Variants in KSR1 observed in about 807,000 individuals in gnomAD.
The protein encoded by KSR1 is kinase suppressor of ras 1.
Under a neutral mutation model 92.9 loss-of-function variants are expected in KSR1, and 35 were observed. The observed-to-expected ratio is 0.38, with a 90% CI of 0.29 to 0.50. The LOEUF is 0.50. Ranked by LOEUF, KSR1 falls within the 20% of genes least tolerant of loss-of-function variation. The pLI, the probability that KSR1 is intolerant of heterozygous loss-of-function variation, is 0.94. For synonymous variants in KSR1, 467 were observed against 472.6 expected (o/e 0.99, Z 0.15); for missense variants, 972 against 1,158.5 (o/e 0.84, Z 2.34).
At chr17:27,568,029 C>T (rs2072155122) in intron 2 of KSR1, among the ~76,000 whole-genome samples, 1 of 152,224 alleles carries the variant, frequency 6.6e-6, no homozygotes, top group South Asian at 2.1e-4. Context: ...CCAGCTTCTC[C>T]TCGGCCATCT....
rs59170484 is a variant in KSR1 at position 27,526,094 on chromosome 17, TTC to T, written c.232-24451_232-24450del. Among the ~76,000 whole-genome samples the T allele has an allele frequency of 3.6e-4, 43 of 118,454 alleles. 2 individuals are homozygous for T. The highest frequency in any genetic ancestry group is 1.0e-3 in the African/African-American group (28 of 27,952). The allele number at this position is 118,454 out of a possible 152,430, so 77.7% of individuals were successfully genotyped here. On this transcript the variant is annotated intron_variant, in intron 1 of 20. Coordinates refer to ENST00000644974, the MANE Select transcript of KSR1 (RefSeq NM_001394583.1). ...TCTCTTTCTTTCTTTCTTTCTTTCT[TTC>T]TCTCTCTCTCTCTCTCTCTCTCATG...
At chr17:27,533,796 G>A (rs745356821) in intron 1 of KSR1, among the ~76,000 whole-genome samples, 10 of 152,190 alleles carry the variant, frequency 6.6e-5, no homozygotes, top group Non-Finnish European at 2.9e-5. Flanking sequence ...AGTGTCTAGC[G>A]CATAATAGTC....
chr17:27,523,914 G>A (rs2070142689), intron 1 of KSR1, among the ~76,000 whole-genome samples: 1 of 152,174 alleles, frequency 6.6e-6, no homozygotes, highest in African/African-American at 2.4e-5. Flanking sequence ...AGCTACACCT[G>A]CCTGCAAGGA....
chr17:27,504,115 A>G (rs1227098701), intron 1 of KSR1, among the ~76,000 whole-genome samples: 1 of 152,228 alleles, frequency 6.6e-6, no homozygotes, highest in Non-Finnish European at 1.5e-5. Context: ...GGAAGTATAG[A>G]GACCCTGGCA....
At chr17:27,456,938 A>T (rs994888685) in intron 1 of KSR1, 64 bp downstream of exon 1, 2 of 738,786 alleles carry the variant, frequency 2.7e-6, no homozygotes, top group African/African-American at 3.5e-5. Context: ...TCCGGGCCCC[A>T]GTACTCCTGG....
rs1236180161 is a variant in KSR1, at chr17:27,518,318, A to G, written c.232-32250A>G. 2.6e-5 allele frequency among the ~76,000 whole-genome samples: 4 copies of G among 152,192 alleles called. No individual in the cohort carries two copies. The South Asian group carries it at 8.3e-4, about 32-fold the overall frequency. Reference sequence around the variant, plus strand: ...AATAGCTACACCTTTTCATTTCTCAATCCACTTAATACTGGGTGGAGTAGC... The same window carrying G: ...AATAGCTACACCTTTTCATTTCTCAGTCCACTTAATACTGGGTGGAGTAGC... On this transcript the variant is annotated intron_variant, in intron 1 of 20. Coordinates refer to ENST00000644974, the MANE Select transcript of KSR1 (RefSeq NM_001394583.1).
At chr17:27,597,536 G>A (rs2073390004) in intron 10 of KSR1, 100 bp downstream of exon 10, 4 of 1,232,650 alleles carry the variant, frequency 3.2e-6, no homozygotes, top group Non-Finnish European at 2.2e-6. Context: ...CATGGCCACA[G>A]CTAAGAGCTG....
chr17:27,476,502 T>C (rs983206849), intron 1 of KSR1, among the ~76,000 whole-genome samples: 2 of 152,160 alleles, frequency 1.3e-5, no homozygotes, highest in Non-Finnish European at 2.9e-5. Context: ...CCTGTTTGAC[T>C]GTGGTGCCGT....
chr17:27,544,066 C>T (rs1188583642), intron 1 of KSR1, among the ~76,000 whole-genome samples: 1 of 152,236 alleles, frequency 6.6e-6, no homozygotes, highest in Non-Finnish European at 1.5e-5. Context: ...CTGTGTTCCA[C>T]ACGTTTTGCT....
At chr17:27,533,388 CT>C (rs61407882) in intron 1 of KSR1, among the ~76,000 whole-genome samples, 220 of 144,698 alleles carry the variant, frequency 1.5e-3, no homozygotes, top group Middle Eastern at 3.6e-3. Context: ...TGCAACCATT[CT>C]TTTTTTTTTT....
At position 27,592,367 on chromosome 17, in the gene KSR1, G is replaced by A; in HGVS notation, c.1137G>A (p.Lys379=). Residue 379 remains lysine, a synonymous_variant, in exon 8 of 21, where the codon AAG becomes AAA. Coordinates refer to ENST00000644974, the MANE Select transcript of KSR1 (RefSeq NM_001394583.1). The part of the protein sequence containing the change: ...FGVKCKHCRL[K]CHNKCTKEAP... ...ACCTCCCCTTCTTTACCAGGTTGAAGTGTCACAACAAATGTACCAAAGAAG... is the reference window on the plus strand; with the variant it reads ...ACCTCCCCTTCTTTACCAGGTTGAAATGTCACAACAAATGTACCAAAGAAG... 8.1e-6 allele frequency: 13 copies of A among 1,613,898 alleles called. 1 individual carries two copies. Among genetic ancestry groups the A allele is most frequent in the Non-Finnish European group, 1.1e-5 (13 of 1,179,820 alleles).
At chr17:27,507,462 T>C (rs1353251230) in intron 1 of KSR1, among the ~76,000 whole-genome samples, 1 of 151,886 alleles carries the variant, frequency 6.6e-6, no homozygotes, top group East Asian at 1.9e-4. Flanking sequence ...TTTTTAATGT[T>C]TTATATTTAT....
intron 1 of KSR1, among the ~76,000 whole-genome samples, chr17:27,493,234 G>A (rs2068879320): frequency 6.6e-6 from 1 of 152,226 alleles, no homozygotes; most frequent in South Asian, 2.1e-4. Context: ...GCTTTGTGAA[G>A]TTGAATGATG....
chr17:27,494,647 T>C (rs951043280), intron 1 of KSR1, among the ~76,000 whole-genome samples: 1 of 152,190 alleles, frequency 6.6e-6, no homozygotes, highest in Non-Finnish European at 1.5e-5. Context: ...GATTTACATT[T>C]AAAAGCAGTA....
At chr17:27,468,909 C>T (rs139280508) in intron 1 of KSR1, among the ~76,000 whole-genome samples, 23 of 152,316 alleles carry the variant, frequency 1.5e-4, no homozygotes, top group African/African-American at 3.1e-4. Context: ...CCAGACCCAG[C>T]GGAATCCCAC....
intron 1 of KSR1, among the ~76,000 whole-genome samples, chr17:27,486,040 C>T (rs1372357264): frequency 6.6e-6 from 1 of 152,138 alleles, no homozygotes; most frequent in Non-Finnish European, 1.5e-5. Context: ...TTGAAAAGAA[C>T]GTATGAACTC....
In KSR1 at chr17:27,577,716, G is replaced by A. The variant is rs547822495; in HGVS notation, c.520+77G>A. On this transcript the variant is annotated intron_variant, in intron 3 of 20. Transcript: ENST00000644974. This position sits in a 1 kb window ranked among gnomAD's most constrained non-coding sequence, Gnocchi z 4.5. ...TGTGGCCTTCACTATGGTGGGTGAT[G>A]GAGCGGGGCAAGCGTGGCCCAGGGT... is the stretch of plus-strand genomic sequence containing the variant. 7 of 1,256,616 alleles carry A rather than the reference G, an allele frequency of 5.6e-6. No individual in the cohort carries two copies. The highest frequency in any genetic ancestry group is 1.5e-5 in the African/African-American group (1 of 67,624). 77.8% of individuals were successfully genotyped at this position (1,256,616 alleles called of 1,614,324 possible). A position where few individuals can be genotyped will look rare whatever the true frequency, so the allele number is the denominator to read the frequency against.
intron 2 of KSR1, among the ~76,000 whole-genome samples, chr17:27,552,230 G>A (rs2071421263): frequency 6.6e-6 from 1 of 152,134 alleles, no homozygotes; most frequent in Admixed American, 6.5e-5. Flanking sequence ...TAACCGATTT[G>A]TTGTCTGTGG....
chr17:27,582,361 G>C (rs899385754), intron 3 of KSR1, among the ~76,000 whole-genome samples: 2 of 152,110 alleles, frequency 1.3e-5, no homozygotes, highest in African/African-American at 4.8e-5. Flanking sequence ...TGTCATGTCG[G>C]TGCTCAGAAA....
Sources: gnomAD v4.1 joint callset for allele counts (sites outside exome capture counted in the v4.1 genomes callset) on GRCh38, gnomAD v4.1.1 for gene constraint, Gnocchi (gnomAD v3.1) non-coding constraint, MANE v1.5 for transcripts, NCBI Gene and HGNC (gene_info 2026-07-23, HGNC 2026-07-21) for gene names.